Variants in CLEC16A observed in about 807,000 individuals in gnomAD.
CLEC16A encodes protein CLEC16A.
Under a neutral mutation model 109.5 loss-of-function variants are expected in CLEC16A, and 51 were observed. The observed-to-expected ratio is 0.47, with a 90% CI of 0.37 to 0.59. CLEC16A has a LOEUF of 0.59. CLEC16A is among the 20% of genes least tolerant of loss of function. CLEC16A has a pLI of 0.00. For missense variants in CLEC16A, 1,339 were observed against 1,394.0 expected (o/e 0.96, Z 0.63); for synonymous variants, 673 against 564.2 (o/e 1.19, Z -2.73).
intron 19 of CLEC16A, 116 bp downstream of exon 19, chr16:11,061,138 T>C: frequency 8.0e-7 from 1 of 1,247,516 alleles, no homozygotes; most frequent in Non-Finnish European, 1.1e-6. Context: ...TTTTGTACTA[T>C]TATTGAGCTG....
At chr16:11,079,544 C>T (rs1403944769) in intron 19 of CLEC16A, among the ~76,000 whole-genome samples, 4 of 152,148 alleles carry the variant, frequency 2.6e-5, no homozygotes, top group South Asian at 4.1e-4. Context: ...GTAGAAAAGC[C>T]GCATGCAACT....
At chr16:11,121,567 T>G (rs35032408) in intron 20 of CLEC16A, among the ~76,000 whole-genome samples, 25,416 of 150,482 alleles carry the variant, frequency 0.17, 2,578 homozygotes, top group South Asian at 0.27. Flanking sequence ...ATTTTTTGGG[T>G]TTTTTTTTGT....
rs1268567582 is a variant in CLEC16A at position 11,178,270 on chromosome 16, A to C, written c.2807-65A>C. ...GGGCCGCGGTTCAGGATGGGAGCAC[A>C]GGGCGCAGTGCGACGGGGTGTCTCA... On this transcript the variant is annotated intron_variant, in intron 23 of 23. Coordinates refer to ENST00000409790, the MANE Select transcript of CLEC16A (RefSeq NM_015226.3). This position sits in a 1 kb window ranked among gnomAD's most constrained non-coding sequence, Gnocchi z 6.5. 8 of 1,427,500 alleles carry C rather than the reference A, an allele frequency of 5.6e-6. No individual in the cohort carries two copies. The highest frequency in any genetic ancestry group is 6.8e-6 in the Non-Finnish European group (7 of 1,033,864). The allele number at this position is 1,427,500 out of a possible 1,614,324, so 88.4% of individuals were successfully genotyped here. A position where few individuals can be genotyped will look rare whatever the true frequency, so the allele number is the denominator to read the frequency against.
intron 3 of CLEC16A, among the ~76,000 whole-genome samples, 171 bp downstream of exon 3, chr16:10,962,759 G>A (rs1468600302): frequency 6.6e-6 from 1 of 152,106 alleles, no homozygotes; most frequent in Non-Finnish European, 1.5e-5. Context: ...CTGTTCTGGA[G>A]CATTGAAGTC....
At chr16:11,047,583 T>C (rs2047702168) in intron 17 of CLEC16A, 2 of 342,430 alleles carry the variant, frequency 5.8e-6, no homozygotes, top group Non-Finnish European at 1.1e-5. Context: ...CTGCTATGAA[T>C]AGTAATTTTG....
intron 10 of CLEC16A, among the ~76,000 whole-genome samples, chr16:10,995,156 G>T (rs969925281): frequency 2.0e-5 from 3 of 152,258 alleles, no homozygotes; most frequent in African/African-American, 7.2e-5. Context: ...CAGGATGGCT[G>T]TTATTACCTG....
intron 20 of CLEC16A, among the ~76,000 whole-genome samples, chr16:11,122,011 C>T (rs2052456293): frequency 1.3e-5 from 2 of 152,138 alleles, no homozygotes; most frequent in African/African-American, 4.8e-5. Flanking sequence ...TGCCATACCC[C>T]TTGTCCCTGG....
chr16:11,108,677 G>A (rs999202723), intron 19 of CLEC16A, among the ~76,000 whole-genome samples: 1 of 152,208 alleles, frequency 6.6e-6, no homozygotes, highest in African/African-American at 2.4e-5. Flanking sequence ...ATCAGTTTGT[G>A]TCATTGGGGA....
At chr16:10,964,959 GAC>G (rs1315853622) in intron 3 of CLEC16A, among the ~76,000 whole-genome samples, 1 of 152,160 alleles carries the variant, frequency 6.6e-6, no homozygotes, top group Non-Finnish European at 1.5e-5. Context: ...ACAGTAGGAT[GAC>G]CTGTAGTCAC....
intron 11 of CLEC16A, among the ~76,000 whole-genome samples, chr16:11,017,886 A>C (rs539418105): frequency 6.6e-6 from 1 of 152,224 alleles, no homozygotes; most frequent in South Asian, 2.1e-4. Flanking sequence ...CCTAAGAATG[A>C]GGACTCAATG....
rs922441579 is a variant in CLEC16A at position 11,039,985 on chromosome 16, G to C, written c.1660+109G>C. On this transcript the variant is annotated intron_variant, in intron 14 of 23. Coordinates refer to ENST00000409790, the MANE Select transcript of CLEC16A (RefSeq NM_015226.3). ...AGGCCTGAGCCTTCTGAGAATCCGG[G>C]CCCATCCCAACCTCTCCCTCTGCCT... 1.7e-5 allele frequency: 23 copies of C among 1,366,664 alleles called. No individual in the cohort carries two copies. In the Admixed American group the frequency reaches 2.2e-4, roughly 13 times the overall value. The allele number at this position is 1,366,664 out of a possible 1,614,324, so 84.7% of individuals were successfully genotyped here.
chr16:11,028,007 C>G (rs902168397), intron 13 of CLEC16A, among the ~76,000 whole-genome samples: 1 of 152,156 alleles, frequency 6.6e-6, no homozygotes, highest in African/African-American at 2.4e-5. Context: ...TCGAGACCAG[C>G]CTGACCAACA....
At chr16:10,968,016 ACT>A (rs1446647697) in intron 3 of CLEC16A, among the ~76,000 whole-genome samples, 7 of 152,144 alleles carry the variant, frequency 4.6e-5, no homozygotes, top group Admixed American at 4.6e-4. Flanking sequence ...TGAGGACAAG[ACT>A]CTGAGTAGCG....
intron 13 of CLEC16A, among the ~76,000 whole-genome samples, chr16:11,035,382 T>C (rs1354851162): frequency 6.6e-6 from 1 of 152,176 alleles, no homozygotes; most frequent in African/African-American, 2.4e-5. Flanking sequence ...AAAAAATTAA[T>C]TCAGCAAAAA....
chr16:11,102,176 G>A (rs749879380), intron 19 of CLEC16A, among the ~76,000 whole-genome samples: 10 of 152,080 alleles, frequency 6.6e-5, no homozygotes, highest in Non-Finnish European at 1.3e-4. Context: ...TTTTACCATG[G>A]CTGAAACGTA....
intron 16 of CLEC16A, among the ~76,000 whole-genome samples, chr16:11,046,060 C>T (rs1212534333): frequency 6.6e-6 from 1 of 152,132 alleles, no homozygotes; most frequent in East Asian, 1.9e-4. Flanking sequence ...AGGATACACC[C>T]TCACTAGCAA....
chr16:10,988,823 C>G (rs746818062), intron 10 of CLEC16A, among the ~76,000 whole-genome samples: 2 of 152,142 alleles, frequency 1.3e-5, no homozygotes, highest in African/African-American at 2.4e-5. Flanking sequence ...GAATTAAGTG[C>G]CGTGTAAAGT....
chr16:11,120,084 C>T (rs1188038134), intron 19 of CLEC16A, among the ~76,000 whole-genome samples: 4 of 152,212 alleles, frequency 2.6e-5, no homozygotes, highest in Non-Finnish European at 5.9e-5. Flanking sequence ...ATTCTCCTGC[C>T]TCAGCCTCCC....
chr16:11,044,102 C>A (rs373761368), intron 16 of CLEC16A, 30 bp downstream of exon 16: 2 of 1,589,866 alleles, frequency 1.3e-6, no homozygotes, highest in Non-Finnish European at 1.7e-6. Flanking sequence ...TGGACAGCAG[C>A]ATGGTGTGTA....
Sources: allele counts gnomAD v4.1 joint callset (sites outside exome capture counted in the v4.1 genomes callset), GRCh38; gene constraint gnomAD v4.1.1; non-coding constraint Gnocchi (gnomAD v3.1); transcripts MANE v1.5; gene names NCBI Gene and HGNC (gene_info 2026-07-23, HGNC 2026-07-21).